Variants in RHOT1 observed in about 807,000 individuals in gnomAD.
RHOT1 encodes the protein mitochondrial Rho GTPase 1.
A neutral mutation model predicts 95.3 loss-of-function variants in RHOT1; 27 were observed. The observed-to-expected ratio is 0.28, with a 90% CI of 0.21 to 0.39. The LOEUF (loss-of-function observed/expected upper bound fraction) is 0.39. Ranked by LOEUF, RHOT1 falls within the 10% of genes least tolerant of loss-of-function variation. RHOT1 has a pLI of 1.00. For synonymous variants in RHOT1, 227 were observed against 263.5 expected (o/e 0.86, Z 1.34); for missense variants, 578 against 786.7 (o/e 0.73, Z 3.17).
At chr17:32,217,296 CTG>C (rs1432671793) in intron 19 of RHOT1, among the ~76,000 whole-genome samples, 2 of 152,204 alleles carry the variant, frequency 1.3e-5, no homozygotes, top group Admixed American at 6.5e-5. Context: ...CTGCTAGACA[CTG>C]TGTATTGATT....
At chr17:32,198,883 T>C in intron 11 of RHOT1, 64 bp from the exon 12 acceptor site, 1 of 1,072,354 alleles carries the variant, frequency 9.3e-7, no homozygotes, top group Non-Finnish European at 1.4e-6. Flanking sequence ...TGCAATTTTA[T>C]ATTAATTTCT....
At chr17:32,171,361 C>T (rs2034562038) in intron 2 of RHOT1, among the ~76,000 whole-genome samples, 1 of 152,198 alleles carries the variant, frequency 6.6e-6, no homozygotes, top group Admixed American at 6.5e-5. Flanking sequence ...GCTGGGATTA[C>T]AGGCATGTGC....
In RHOT1 at chr17:32,191,087, G is replaced by A. The variant is rs548858583; in HGVS notation, c.541-1114G>A. ...TGGGATTATAAGTGTGAGCCACCGC[G>A]CCCAGCCTCAAATGCTTTCTAAATG... On this transcript the variant is annotated intron_variant, in intron 8 of 19. Coordinates refer to ENST00000545287, the MANE Select transcript of RHOT1 (RefSeq NM_001033566.3). 3.9e-5 allele frequency among the ~76,000 whole-genome samples: 6 copies of A among 152,118 alleles called. No individual in the cohort carries two copies. The East Asian group carries it at 1.2e-3, about 29-fold the overall frequency.
chr17:32,186,338 C>G (rs1271040026), intron 8 of RHOT1, among the ~76,000 whole-genome samples: 1 of 150,126 alleles, frequency 6.7e-6, no homozygotes, highest in Non-Finnish European at 1.5e-5. Context: ...GGAGAAACGT[C>G]TATTGCCTAT....
At chr17:32,149,217 A>G (rs1598276492) in intron 1 of RHOT1, among the ~76,000 whole-genome samples, 1 of 152,050 alleles carries the variant, frequency 6.6e-6, no homozygotes, top group Non-Finnish European at 1.5e-5. Flanking sequence ...TACATTTTAT[A>G]CATTTTATTA....
intron 8 of RHOT1, among the ~76,000 whole-genome samples, chr17:32,185,572 AATT>A (rs1416778418): frequency 9.2e-5 from 14 of 151,788 alleles, no homozygotes; most frequent in African/African-American, 3.1e-4. Context: ...ATACCCAGCT[AATT>A]TTTGTATTTT....
At chr17:32,167,969 G>A (rs2034235991) in intron 1 of RHOT1, among the ~76,000 whole-genome samples, 2 of 152,054 alleles carry the variant, frequency 1.3e-5, no homozygotes, top group Admixed American at 1.3e-4. Flanking sequence ...AGGAGTTTGA[G>A]GCTACAGTGA....
At chr17:32,207,090 C>G (rs1598443161) in intron 17 of RHOT1, 61 bp downstream of exon 17, 9 of 1,498,318 alleles carry the variant, frequency 6.0e-6, no homozygotes, top group African/African-American at 5.6e-5. Flanking sequence ...TATGGAATTG[C>G]AGTGTGGTGT....
At chr17:32,184,460 GT>G (rs1264679272) in intron 8 of RHOT1, among the ~76,000 whole-genome samples, 6 of 151,682 alleles carry the variant, frequency 4.0e-5, no homozygotes. Context: ...GATAAACCAT[GT>G]TTTTGGTGGG....
At position 32,200,909 on chromosome 17, in the gene RHOT1, A is replaced by G. The variant is rs745770632; in HGVS notation, c.1101-47A>G. On this transcript the variant is annotated intron_variant, in intron 13 of 19. Transcript: ENST00000545287. ...GCTATTGGCTTTTTTTTCCCCATAA[A>G]TATTCGTTTAGGAACTTTTCACATT... 2.9e-6 allele frequency: 4 copies of G among 1,392,694 alleles called. No homozygotes were observed. In the South Asian group the frequency reaches 4.7e-5, roughly 17 times the overall value. The allele number at this position is 1,392,694 out of a possible 1,614,324, so 86.3% of individuals were successfully genotyped here. A position where few individuals can be genotyped will look rare whatever the true frequency, so the allele number is the denominator to read the frequency against.
At chr17:32,167,861 C>G (rs539185199) in intron 1 of RHOT1, among the ~76,000 whole-genome samples, 1 of 151,972 alleles carries the variant, frequency 6.6e-6, no homozygotes, top group African/African-American at 2.4e-5. Flanking sequence ...ATGGTGAGAC[C>G]CTGTCCGTAC....
intron 1 of RHOT1, among the ~76,000 whole-genome samples, chr17:32,168,246 C>T (rs989675213): frequency 6.6e-6 from 1 of 152,066 alleles, no homozygotes; most frequent in Non-Finnish European, 1.5e-5. Flanking sequence ...GTCATGCACA[C>T]ACACACACAC....
At chr17:32,177,276 G>T (rs1417811345) in intron 6 of RHOT1, among the ~76,000 whole-genome samples, 1 of 152,142 alleles carries the variant, frequency 6.6e-6, no homozygotes, top group South Asian at 2.1e-4. Context: ...ACTTAGCCAC[G>T]TTTCAAGTGC....
chr17:32,149,738 C>T (rs893283824), intron 1 of RHOT1, among the ~76,000 whole-genome samples: 4 of 125,298 alleles, frequency 3.2e-5, no homozygotes, highest in African/African-American at 5.0e-5. Flanking sequence ...CATATATATA[C>T]ACACACACAC....
chr17:32,208,003 C>A, intron 17 of RHOT1, 104 bp from the exon 18 acceptor site: 1 of 987,912 alleles, frequency 1.0e-6, no homozygotes, highest in Non-Finnish European at 1.5e-6. Context: ...CGCTTTGAAA[C>A]TACTGTTGCT....
At chr17:32,215,459 G>A (rs934072966) in intron 19 of RHOT1, among the ~76,000 whole-genome samples, 1 of 152,018 alleles carries the variant, frequency 6.6e-6, no homozygotes, top group Middle Eastern at 3.2e-3. Context: ...GCTGTGAACT[G>A]GGGCAAAATT....
chr17:32,197,428 A>AT lies in RHOT1; in HGVS notation c.870-1512dup, dbSNP rs1288008589. Among the ~76,000 whole-genome samples, 856 of 139,162 alleles carry AT rather than the reference A, an allele frequency of 6.2e-3. 9 individuals are homozygous for AT. Among genetic ancestry groups the AT allele is most frequent in the African/African-American group, 0.024 (806 of 33,092 alleles). 91.3% of individuals were successfully genotyped at this position (139,162 alleles called of 152,430 possible). On this transcript the variant is annotated intron_variant, in intron 11 of 19. Coordinates refer to ENST00000545287, the MANE Select transcript of RHOT1 (RefSeq NM_001033566.3). ...TTTTCTTCTTTTTTCTTATTTTTTTATTTTTTTATTTTTTGAGATGGAGTC... is the reference window on the plus strand; with the variant it reads ...TTTTCTTCTTTTTTCTTATTTTTTTATTTTTTTTATTTTTTGAGATGGAGTC...
At chr17:32,167,094 TG>T (rs2034153000) in intron 1 of RHOT1, among the ~76,000 whole-genome samples, 1 of 152,186 alleles carries the variant, frequency 6.6e-6, no homozygotes, top group Non-Finnish European at 1.5e-5. Context: ...GCAGACTGGA[TG>T]TCATGTTAGC....
intron 19 of RHOT1, among the ~76,000 whole-genome samples, chr17:32,215,146 A>C (rs955919860): frequency 5.9e-5 from 9 of 151,920 alleles, no homozygotes; most frequent in African/African-American, 1.9e-4. Flanking sequence ...TGCCAGCCTC[A>C]GCCTCCCAAA....
Sources: gnomAD v4.1 joint callset for allele counts (sites outside exome capture counted in the v4.1 genomes callset) on GRCh38, gnomAD v4.1.1 for gene constraint, MANE v1.5 for transcripts, NCBI Gene and HGNC (gene_info 2026-07-23, HGNC 2026-07-21) for gene names.